The following MACROD2 variants were observed in gnomAD, a reference collection of about 807,000 sequenced individuals.
MACROD2 encodes the protein ADP-ribose glycohydrolase MACROD2.
A neutral mutation model predicts 70.4 loss-of-function variants in MACROD2; 36 were observed. The observed-to-expected ratio is 0.51, with a 90% CI of 0.39 to 0.68. The LOEUF is 0.68. Ranked by LOEUF, MACROD2 falls within the 30% of genes least tolerant of loss-of-function variation. MACROD2 has a pLI of 0.00. For synonymous variants in MACROD2, 172 were observed against 178.8 expected, an observed-to-expected ratio of 0.96 and a Z score of 0.30; for missense variants, 496 against 538.4, an observed-to-expected ratio of 0.92 and a Z score of 0.78.
chr20:15,102,292 T>C (rs754153106), intron 5 of MACROD2, among the ~76,000 whole-genome samples: 1 of 152,028 alleles, frequency 6.6e-6, no homozygotes, highest in Non-Finnish European at 1.5e-5. Flanking sequence ...TCTAACTATA[T>C]GAAATATTGC....
chr20:14,131,888 T>G (rs147595697), intron 3 of MACROD2, among the ~76,000 whole-genome samples: 1,721 of 151,998 alleles, frequency 0.011, 16 homozygotes, highest in South Asian at 0.037. Context: ...TCCCAGCACT[T>G]TGGGAGGCCG....
At chr20:15,426,067 C>T (rs373166486) in intron 6 of MACROD2, among the ~76,000 whole-genome samples, 61 of 152,228 alleles carry the variant, frequency 4.0e-4, no homozygotes, top group African/African-American at 1.4e-3. Flanking sequence ...CTTTTCACTG[C>T]GGAAGGCCGC....
chr20:15,792,987 G>GT (rs2063638649), intron 8 of MACROD2, among the ~76,000 whole-genome samples: 2 of 152,042 alleles, frequency 1.3e-5, no homozygotes, highest in Admixed American at 6.6e-5. Context: ...AACATGAAGC[G>GT]TATCTCTTAA....
chr20:14,779,370 T>C (rs568533801), intron 5 of MACROD2, among the ~76,000 whole-genome samples: 1 of 152,244 alleles, frequency 6.6e-6, no homozygotes, highest in South Asian at 2.1e-4. Flanking sequence ...AGTGACTGTA[T>C]TGACATGTAA....
intron 3 of MACROD2, among the ~76,000 whole-genome samples, chr20:14,255,235 TA>T (rs918316792): frequency 2.0e-5 from 3 of 151,928 alleles, no homozygotes; most frequent in African/African-American, 2.4e-5. Flanking sequence ...GCAAATTGGA[TA>T]AAGAGTCAAG....
At chr20:14,176,428 T>C (rs1350617362) in intron 3 of MACROD2, among the ~76,000 whole-genome samples, 1 of 152,202 alleles carries the variant, frequency 6.6e-6, no homozygotes, top group South Asian at 2.1e-4. Flanking sequence ...TAAAGTGAAA[T>C]GTGCTCTCTG....
intron 5 of MACROD2, among the ~76,000 whole-genome samples, chr20:15,184,849 AAT>A (rs766342197): frequency 9.8e-5 from 15 of 152,316 alleles, no homozygotes; most frequent in South Asian, 4.1e-4. Flanking sequence ...CCATTCAATT[AAT>A]ATATGTTTAA....
At chr20:14,109,616 C>A (rs1010864025) in intron 3 of MACROD2, among the ~76,000 whole-genome samples, 1 of 151,642 alleles carries the variant, frequency 6.6e-6, no homozygotes, top group Non-Finnish European at 1.5e-5. Flanking sequence ...CTACTATGAG[C>A]AATAGCATAC....
At chr20:15,607,593 G>A (rs1309584919) in intron 8 of MACROD2, among the ~76,000 whole-genome samples, 2 of 152,156 alleles carry the variant, frequency 1.3e-5, no homozygotes, top group Non-Finnish European at 1.5e-5. Context: ...GAGTGCAATG[G>A]CACTATCTTG....
intron 5 of MACROD2, among the ~76,000 whole-genome samples, chr20:14,689,099 G>A (rs1369160575): frequency 1.3e-5 from 2 of 152,004 alleles, no homozygotes; most frequent in Non-Finnish European, 2.9e-5. Flanking sequence ...GTGTGAACCT[G>A]GTCCTCAAAG....
chr20:15,078,862 T>TCA (rs1230860129), intron 5 of MACROD2, among the ~76,000 whole-genome samples: 1 of 152,106 alleles, frequency 6.6e-6, no homozygotes, highest in Non-Finnish European at 1.5e-5. Flanking sequence ...GTCAGGCTGG[T>TCA]CACAGACTCC....
chr20:15,709,431 T>C (rs951470298), intron 8 of MACROD2, among the ~76,000 whole-genome samples: 2 of 151,800 alleles, frequency 1.3e-5, no homozygotes, highest in African/African-American at 4.8e-5. Context: ...GAGGCTGAGG[T>C]AGGAGGATTG....
intron 5 of MACROD2, among the ~76,000 whole-genome samples, chr20:15,049,724 G>C (rs1011941182): frequency 6.6e-6 from 1 of 152,086 alleles, no homozygotes; most frequent in Admixed American, 6.5e-5. Context: ...GAGGCAGGCA[G>C]ATCACCTGAG....
intron 3 of MACROD2, among the ~76,000 whole-genome samples, chr20:14,371,179 GT>G (rs1485387611): frequency 6.6e-6 from 1 of 151,834 alleles, no homozygotes; most frequent in African/African-American, 2.4e-5. Flanking sequence ...TTAATTTTTT[GT>G]AAGTTTTATA....
chr20:14,911,522 G>T (rs1042437705), intron 5 of MACROD2, among the ~76,000 whole-genome samples: 20 of 152,002 alleles, frequency 1.3e-4, no homozygotes, highest in African/African-American at 4.8e-4. Flanking sequence ...GAACTAGAGT[G>T]CATGCCACTA....
At chr20:15,727,451 T>C (rs2050881389) in intron 8 of MACROD2, among the ~76,000 whole-genome samples, 2 of 76,996 alleles carry the variant, frequency 2.6e-5, no homozygotes, top group African/African-American at 6.3e-5. Context: ...AATTATAAAA[T>C]AGTTTTTTTC....
chr20:15,906,219 T>A (rs113980486), intron 10 of MACROD2, among the ~76,000 whole-genome samples: 2 of 152,194 alleles, frequency 1.3e-5, no homozygotes, highest in African/African-American at 4.8e-5. Flanking sequence ...CCACTTATGG[T>A]GTATCCAAAA....
intron 3 of MACROD2, 95 bp from the exon 4 acceptor site, chr20:14,493,384 T>C: frequency 9.8e-7 from 1 of 1,017,778 alleles, no homozygotes; most frequent in Non-Finnish European, 1.5e-6. Flanking sequence ...ATATGAGACA[T>C]ATGATCATTA....
intron 3 of MACROD2, chr20:14,325,857 C>A: frequency 6.2e-7 from 1 of 1,613,928 alleles, no homozygotes; most frequent in Non-Finnish European, 8.5e-7. Flanking sequence ...TATGAACATA[C>A]CAACACACTA....
Sources: gnomAD v4.1 joint callset for allele counts (sites outside exome capture counted in the v4.1 genomes callset) on GRCh38, gnomAD v4.1.1 for gene constraint, MANE v1.5 for transcripts, NCBI Gene and HGNC (gene_info 2026-07-23, HGNC 2026-07-21) for gene names.